The following PAPPA variants were observed in gnomAD, a reference collection of about 807,000 sequenced individuals.
PAPPA encodes pappalysin-1.
Under a neutral mutation model 164.0 loss-of-function variants are expected in PAPPA, and 60 were observed. The ratio of observed to expected loss-of-function variants is 0.37; its 90% CI spans 0.30 to 0.45. The LOEUF (loss-of-function observed/expected upper bound fraction) is 0.45, where lower values mean the gene tolerates loss of function less well. Among genes scored for constraint, PAPPA ranks in the 20% least tolerant of loss-of-function variants. The pLI is 1.00. For missense variants in PAPPA, 1,782 were observed against 2,087.3 expected, an observed-to-expected ratio of 0.85 and a Z score of 2.85; for synonymous variants, 875 against 814.1, an observed-to-expected ratio of 1.07 and a Z score of -1.27.
intron 21 of PAPPA, among the ~76,000 whole-genome samples, chr9:116,384,328 T>C (rs1588030152): frequency 6.7e-6 from 1 of 149,312 alleles, no homozygotes; most frequent in South Asian, 2.1e-4. Context: ...GAGGCACAGG[T>C]CTGTAGTCCC....
chr9:116,318,152 T>C (rs1845810109), intron 10 of PAPPA: 1 of 152,152 alleles, frequency 6.6e-6, no homozygotes, highest in African/African-American at 2.4e-5. Context: ...CCATTTGATA[T>C]TAAGATCTTG....
chr9:116,191,550 C>T (rs575283475), intron 2 of PAPPA, among the ~76,000 whole-genome samples: 1 of 152,262 alleles, frequency 6.6e-6, no homozygotes, highest in African/African-American at 2.4e-5. Flanking sequence ...ATGTTCCTCA[C>T]CATTAAGGGG....
chr9:116,319,817 A>G (rs1845831566), intron 10 of PAPPA, among the ~76,000 whole-genome samples: 2 of 152,198 alleles, frequency 1.3e-5, no homozygotes, highest in African/African-American at 4.8e-5. Flanking sequence ...GACAAACAAG[A>G]AGGAGGATAG....
At chr9:116,363,650 T>C (rs1467273981) in intron 18 of PAPPA, among the ~76,000 whole-genome samples, 1 of 152,192 alleles carries the variant, frequency 6.6e-6, no homozygotes, top group African/African-American at 2.4e-5. Flanking sequence ...GAACTGAACA[T>C]CCTTTCTCCT....
intron 1 of PAPPA, among the ~76,000 whole-genome samples, chr9:116,178,625 A>T (rs1843864836): frequency 6.6e-6 from 1 of 152,234 alleles, no homozygotes; most frequent in Non-Finnish European, 1.5e-5. Flanking sequence ...TGAGATACAC[A>T]GATCAGCCTC....
intron 10 of PAPPA, among the ~76,000 whole-genome samples, chr9:116,320,250 T>C (rs992717117): frequency 6.6e-6 from 1 of 152,176 alleles, no homozygotes; most frequent in Non-Finnish European, 1.5e-5. Flanking sequence ...TTCAGACTTG[T>C]GGGGAGGTGC....
At chr9:116,208,021 T>C (rs528379781) in intron 3 of PAPPA, among the ~76,000 whole-genome samples, 2 of 152,322 alleles carry the variant, frequency 1.3e-5, no homozygotes, top group Non-Finnish European at 2.9e-5. Context: ...CAGCCAGTCA[T>C]GGGTTGGCTT....
At position 116,397,786 on chromosome 9, in the gene PAPPA, G is replaced by C; in HGVS notation, c.*1170G>C. 6.6e-6 allele frequency: 1 copy of C among 152,662 alleles called. No homozygotes were observed. The highest frequency in any genetic ancestry group is 1.9e-4 in the East Asian group (1 of 5,194). 9.5% of individuals were successfully genotyped at this position (152,662 alleles called of 1,614,324 possible). A position where few individuals can be genotyped will look rare whatever the true frequency, so the allele number is the denominator to read the frequency against. On this transcript the variant is annotated 3_prime_UTR_variant, in exon 22 of 22. Coordinates refer to ENST00000328252, the MANE Select transcript of PAPPA (RefSeq NM_002581.5). ...ATTTCTATGATGTTGGAGCCATCCA[G>C]AGACTACTGGAATTGTCGAGACTTT... is the stretch of plus-strand genomic sequence containing the variant.
intron 2 of PAPPA, among the ~76,000 whole-genome samples, chr9:116,202,213 T>C (rs911108776): frequency 1.3e-5 from 2 of 152,192 alleles, no homozygotes; most frequent in Non-Finnish European, 2.9e-5. Flanking sequence ...TTTGTTGTTG[T>C]TGCTGTTGTT....
intron 17 of PAPPA, among the ~76,000 whole-genome samples, chr9:116,356,668 A>T (rs1846358353): frequency 6.6e-6 from 1 of 152,146 alleles, no homozygotes; most frequent in Admixed American, 6.5e-5. Flanking sequence ...ATGGTTGTAC[A>T]TGTGTGGTGT....
Position 116,154,036 on chromosome 9 carries a change from AG to A in PAPPA, c.-136del. The A allele has an allele frequency of 9.1e-7, 1 of 1,097,504 alleles. No homozygotes were observed. Among genetic ancestry groups the A allele is most frequent in the Non-Finnish European group, 1.1e-6 (1 of 880,808 alleles). The allele number at this position is 1,097,504 out of a possible 1,614,324, so 68.0% of individuals were successfully genotyped here. A position where few individuals can be genotyped will look rare whatever the true frequency, so the allele number is the denominator to read the frequency against. ...CTTGAGGAGGAAAGCGAGAAAGAAA[AG>A]AAAAAAGCAAGTGGAAAGGGGGGCT... On this transcript the variant is annotated 5_prime_UTR_variant, in exon 1 of 22. Transcript: ENST00000328252. This position sits in a 1 kb window ranked among gnomAD's most constrained non-coding sequence, Gnocchi z 5.2.
At chr9:116,289,325 G>C (rs10983103) in intron 9 of PAPPA, among the ~76,000 whole-genome samples, 46,341 of 69,614 alleles carry the variant, frequency 0.67, 17,465 homozygotes, top group Middle Eastern at 0.81. Context: ...CATATATATG[G>C]CATATATATA....
chr9:116,305,122 C>T (rs892478725), intron 10 of PAPPA, among the ~76,000 whole-genome samples: 19 of 139,594 alleles, frequency 1.4e-4, no homozygotes, highest in African/African-American at 2.4e-4. Flanking sequence ...TACACAAGTA[C>T]GTGGGCACAC....
At chr9:116,354,631 G>A (rs1305121293) in intron 17 of PAPPA, among the ~76,000 whole-genome samples, 1 of 152,054 alleles carries the variant, frequency 6.6e-6, no homozygotes, top group Non-Finnish European at 1.5e-5. Flanking sequence ...AGCAATTACT[G>A]AGTCATACCC....
Position 116,295,620 on chromosome 9 carries a change from C to T in PAPPA, c.2954-7137C>T, listed in dbSNP as rs567804188. On this transcript the variant is annotated intron_variant, in intron 9 of 21. Coordinates refer to ENST00000328252, the MANE Select transcript of PAPPA (RefSeq NM_002581.5). ...TCTCCTCATTTCTGAAGGATAATTTCGATTTATTTAACATAGTATTGCAAT... is the reference window on the plus strand; with the variant it reads ...TCTCCTCATTTCTGAAGGATAATTTTGATTTATTTAACATAGTATTGCAAT... Among the ~76,000 whole-genome samples, 17 of 150,898 alleles carry T rather than the reference C, an allele frequency of 1.1e-4. No individual in the cohort carries two copies. In the South Asian group the frequency reaches 2.3e-3, roughly 20 times the overall value.
intron 4 of PAPPA, among the ~76,000 whole-genome samples, chr9:116,212,792 C>A (rs1280996651): frequency 1.3e-5 from 2 of 152,082 alleles, no homozygotes; most frequent in Admixed American, 1.3e-4. Flanking sequence ...TGAATAAATT[C>A]TCTTATAACA....
At chr9:116,272,195 G>A (rs528539597) in intron 9 of PAPPA, among the ~76,000 whole-genome samples, 1 of 152,146 alleles carries the variant, frequency 6.6e-6, no homozygotes, top group East Asian at 1.9e-4. Flanking sequence ...TTTTGAGCTG[G>A]TCCAGATGAG....
At chr9:116,180,369 T>C (rs1843889409) in intron 1 of PAPPA, among the ~76,000 whole-genome samples, 1 of 151,880 alleles carries the variant, frequency 6.6e-6, no homozygotes, top group African/African-American at 2.4e-5. Flanking sequence ...GAGTTAGAAT[T>C]GTGATTCTCC....
At chr9:116,332,142 G>A (rs907093125) in intron 11 of PAPPA, among the ~76,000 whole-genome samples, 191 bp from the exon 12 acceptor site, 2 of 152,038 alleles carry the variant, frequency 1.3e-5, no homozygotes, top group Admixed American at 1.3e-4. Context: ...ATTGAAATTG[G>A]GTTTCTGATC....
Sources: gnomAD v4.1 joint callset for allele counts (sites outside exome capture counted in the v4.1 genomes callset) on GRCh38, gnomAD v4.1.1 for gene constraint, Gnocchi (gnomAD v3.1) non-coding constraint, MANE v1.5 for transcripts, NCBI Gene and HGNC (gene_info 2026-07-23, HGNC 2026-07-21) for gene names.